MID1: variants seen among roughly 807,000 people sequenced by gnomAD.
MID1 encodes the protein E3 ubiquitin-protein ligase Midline-1.
Under a neutral mutation model 40.4 loss-of-function variants are expected in MID1, and 7 were observed. The observed-to-expected ratio is 0.17, with a 90% confidence interval of 0.10 to 0.33. The LOEUF is 0.33. Ranked by LOEUF, MID1 falls within the 10% of genes least tolerant of loss-of-function variation. MID1 has a pLI of 1.00. For synonymous variants in MID1, 229 were observed against 221.2 expected, an observed-to-expected ratio of 1.04 and a Z score of -0.31; for missense variants, 367 against 558.5, an observed-to-expected ratio of 0.66 and a Z score of 3.46.
chrX:10,590,265 T>C (rs1466996703), intron 1 of MID1, among the ~76,000 whole-genome samples: 1 of 111,848 alleles, frequency 8.9e-6, no homozygotes, highest in Non-Finnish European at 1.9e-5. Flanking sequence ...TACCTGCCTT[T>C]AGTTTTGCTT....
intron 2 of MID1, among the ~76,000 whole-genome samples, chrX:10,554,689 A>G (rs1241796074): frequency 9.0e-6 from 1 of 111,228 alleles, no homozygotes; most frequent in Non-Finnish European, 1.9e-5. Context: ...TCAGCAATCC[A>G]GAGGCAAAAA....
intron 3 of MID1, among the ~76,000 whole-genome samples, chrX:10,512,355 G>T (rs771294700): frequency 1.9e-4 from 21 of 112,052 alleles, no homozygotes; most frequent in African/African-American, 5.2e-4. Context: ...ACCTGGTTTG[G>T]GTTCAGTAAC....
intron 1 of MID1, among the ~76,000 whole-genome samples, chrX:10,735,345 G>A (rs1230628783): frequency 4.5e-5 from 5 of 112,124 alleles, no homozygotes; most frequent in African/African-American, 9.7e-5. Context: ...CAGGTGATCC[G>A]TCTGCCTCAG....
intron 1 of MID1, among the ~76,000 whole-genome samples, chrX:10,735,836 T>C (rs2043483906): frequency 9.0e-6 from 1 of 111,349 alleles, no homozygotes; most frequent in Admixed American, 9.5e-5. Flanking sequence ...ACTACAGGCA[T>C]GTGCCACCAC....
chrX:10,536,219 T>C (rs1448627095), intron 2 of MID1, among the ~76,000 whole-genome samples: 1 of 112,046 alleles, frequency 8.9e-6, no homozygotes, highest in Non-Finnish European at 1.9e-5. Context: ...AGGGAGACAC[T>C]GCCTCAAACA....
chrX:10,445,809 A>G lies in MID1; in HGVS notation c.*3559T>C, dbSNP rs1327860587. On this transcript the variant is annotated 3_prime_UTR_variant, in exon 10 of 10. Coordinates refer to ENST00000317552, the MANE Select transcript of MID1 (RefSeq NM_000381.4). ...ATCAGATTTTTGGAACTATTTTATA[A>G]ATATTTTTAAAGGTGATGGAGCCAC... 1 of 111,893 alleles carries G rather than the reference A, an allele frequency of 8.9e-6. No homozygotes were observed. Among genetic ancestry groups the G allele is most frequent in the Non-Finnish European group, 1.9e-5 (1 of 53,207 alleles). The allele number at this position is 111,893 out of a possible 1,213,427, so 9.2% of individuals were successfully genotyped here.
At chrX:10,831,276 A>G (rs2044250445) in intron 1 of MID1, among the ~76,000 whole-genome samples, 1 of 112,072 alleles carries the variant, frequency 8.9e-6, no homozygotes, top group Non-Finnish European at 1.9e-5. Context: ...TTTGCAGCAA[A>G]CCATACTTCA....
chrX:10,616,260 T>C (rs901686402), intron 1 of MID1, among the ~76,000 whole-genome samples: 2 of 112,628 alleles, frequency 1.8e-5, no homozygotes, highest in Non-Finnish European at 3.7e-5. Flanking sequence ...TATATTGTAC[T>C]TCCTTTTCAT....
At chrX:10,452,446 G>A (rs140540917) in intron 9 of MID1, among the ~76,000 whole-genome samples, 2 of 112,261 alleles carry the variant, frequency 1.8e-5, no homozygotes, top group African/African-American at 6.5e-5. Context: ...AGAATGTAAT[G>A]TTCCATTAAG....
intron 1 of MID1, among the ~76,000 whole-genome samples, chrX:10,683,905 G>T (rs1246419341): frequency 4.8e-5 from 5 of 104,578 alleles, no homozygotes; most frequent in African/African-American, 1.8e-4. Context: ...TGAGTAGCTG[G>T]GACTACAGGC....
intron 1 of MID1, among the ~76,000 whole-genome samples, chrX:10,810,867 A>G (rs891352187): frequency 2.7e-5 from 3 of 109,424 alleles, no homozygotes; most frequent in African/African-American, 1.0e-4. Context: ...ATCCCTCTCT[A>G]TTATTATTTT....
At chrX:10,517,490 T>C (rs1318241979) in intron 3 of MID1, among the ~76,000 whole-genome samples, 8 of 112,434 alleles carry the variant, frequency 7.1e-5, no homozygotes, top group Non-Finnish European at 1.1e-4. Context: ...AAATGTCATT[T>C]CCTGAAAAGA....
intron 1 of MID1, among the ~76,000 whole-genome samples, chrX:10,761,242 T>TAC (rs61485561): frequency 0.094 from 10,171 of 108,680 alleles, 1,106 homozygotes; most frequent in African/African-American, 0.31. Flanking sequence ...TCCTTCATTT[T>TAC]ACACACACAC....
At chrX:10,656,200 A>G (rs2042871100) in intron 1 of MID1, among the ~76,000 whole-genome samples, 1 of 112,073 alleles carries the variant, frequency 8.9e-6, no homozygotes, top group African/African-American at 3.2e-5. Flanking sequence ...CTGTTCATTA[A>G]TTTAGTTATT....
chrX:10,829,679 A>C (rs764079168), intron 1 of MID1, among the ~76,000 whole-genome samples: 15 of 111,784 alleles, frequency 1.3e-4, no homozygotes, highest in Non-Finnish European at 2.8e-4. Flanking sequence ...CATAGTCCTG[A>C]CTATCACCTC....
At chrX:10,570,815 AAACAGGTC>A (rs1351850658) in intron 1 of MID1, among the ~76,000 whole-genome samples, 1 of 112,738 alleles carries the variant, frequency 8.9e-6, no homozygotes, top group Non-Finnish European at 1.9e-5. Flanking sequence ...ATATTTAGAA[AAACAGGTC>A]ACAGGCCAGC....
intron 3 of MID1, among the ~76,000 whole-genome samples, chrX:10,507,617 T>C (rs763248622): frequency 8.9e-6 from 1 of 112,788 alleles, no homozygotes; most frequent in Admixed American, 9.4e-5. Context: ...ATTGTCTGCA[T>C]GGGCACCCAC....
chrX:10,774,158 T>C (rs1202750503), intron 1 of MID1, among the ~76,000 whole-genome samples: 3 of 110,835 alleles, frequency 2.7e-5, no homozygotes, highest in East Asian at 5.7e-4. Context: ...CTCAGCAAAA[T>C]TGTACCAACA....
At chrX:10,754,109 T>C (rs780744269) in intron 1 of MID1, among the ~76,000 whole-genome samples, 20 of 112,193 alleles carry the variant, frequency 1.8e-4, no homozygotes, top group African/African-American at 6.5e-4. Context: ...GATATTTAAG[T>C]TGGCAAAAGT....
Sources: allele counts gnomAD v4.1 joint callset (sites outside exome capture counted in the v4.1 genomes callset), GRCh38; gene constraint gnomAD v4.1.1; transcripts MANE v1.5; gene names NCBI Gene and HGNC (gene_info 2026-07-23, HGNC 2026-07-21).